CPNE6: variants seen among roughly 807,000 people sequenced by gnomAD.
CPNE6 encodes the protein copine-6.
Under a neutral mutation model 71.5 loss-of-function variants are expected in CPNE6, and 33 were observed. That is an observed-to-expected ratio of 0.46 (90% CI 0.35 to 0.62). CPNE6 has a LOEUF of 0.62. CPNE6 is among the 20% of genes least tolerant of loss of function. CPNE6 has a pLI of 0.00. For synonymous variants in CPNE6, 296 were observed against 293.0 expected (o/e 1.01, Z -0.10); for missense variants, 576 against 747.3 (o/e 0.77, Z 2.67).
intron 1 of CPNE6, 82 bp from the exon 1 acceptor site, chr14:24,071,480 C>T (rs773602046): frequency 1.2e-5 from 19 of 1,527,740 alleles, no homozygotes; most frequent in African/African-American, 5.5e-5. Context: ...AATCCATCCA[C>T]GCGGGGGGAG....
Position 24,074,211 on chromosome 14 carries a change from AC to A in CPNE6, c.424-75del. ...CTATGGTGACATCATGCCCAGGACC[AC>A]CCCCACCTAAGGGAAAGGGGATGGG... On this transcript the variant is annotated intron_variant, in intron 5 of 17. Coordinates refer to ENST00000397016, the Ensembl canonical transcript of CPNE6. This position sits in a 1 kb window ranked among gnomAD's most constrained non-coding sequence, Gnocchi z 4.5. 6.3e-7 allele frequency: 1 copy of A among 1,594,894 alleles called. No homozygotes were observed. Among genetic ancestry groups the A allele is most frequent in the Non-Finnish European group, 8.6e-7 (1 of 1,162,836 alleles).
chr14:24,074,193 G>A lies in CPNE6; in HGVS notation c.423+68G>A. The stretch of plus-strand genomic sequence containing the variant: ...ATGCCCCTGCATGGACACCTATGGT[G>A]ACATCATGCCCAGGACCACCCCCAC... On this transcript the variant is annotated intron_variant, in intron 5 of 17. Coordinates refer to ENST00000397016, the Ensembl canonical transcript of CPNE6. The surrounding 1 kb of genome is among the most constrained non-coding windows in gnomAD (Gnocchi z 4.5). 6.3e-7 allele frequency: 1 copy of A among 1,597,136 alleles called. No individual in the cohort carries two copies.
chr14:24,075,479 C>A lies in CPNE6; in HGVS notation c.778-26C>A, dbSNP rs1289698206. On this transcript the variant is annotated intron_variant, in intron 9 of 17. Coordinates refer to ENST00000397016, the Ensembl canonical transcript of CPNE6. The surrounding 1 kb of genome is among the most constrained non-coding windows in gnomAD (Gnocchi z 4.3). Reference sequence around the variant, plus strand: ...GAGGGGTCACCTGATGGACTTGTGACCCTGAGCTTGTGGGGTGGGGTCTAG... The same window carrying A: ...GAGGGGTCACCTGATGGACTTGTGAACCTGAGCTTGTGGGGTGGGGTCTAG... The A allele has an allele frequency of 1.9e-6, 3 of 1,598,804 alleles. No homozygotes were observed. In the Admixed American group the frequency reaches 5.2e-5, roughly 28 times the overall value.
chr14:24,072,740 G>C, intron 2 of CPNE6, 193 bp from the exon 2 acceptor site: 1 of 450,354 alleles, frequency 2.2e-6, no homozygotes, highest in Non-Finnish European at 3.8e-6. Context: ...CTTCTGAGCA[G>C]GAGTGGGAGG....
rs770189782 is a variant in CPNE6, at chr14:24,071,078, A to G, written c.-120+50A>G. 1.5e-5 allele frequency: 22 copies of G among 1,490,406 alleles called. 1 individual carries two copies. The highest frequency in any genetic ancestry group is 6.0e-5 in the South Asian group (5 of 82,992). The allele number at this position is 1,490,406 out of a possible 1,614,324, so 92.3% of individuals were successfully genotyped here. A position where few individuals can be genotyped will look rare whatever the true frequency, so the allele number is the denominator to read the frequency against. ...GACAAGGACAGCCCAGTGTTCCTGTATATGTGACTGCAGATATCCTTAGCT... is the reference window on the plus strand; with the variant it reads ...GACAAGGACAGCCCAGTGTTCCTGTGTATGTGACTGCAGATATCCTTAGCT... On this transcript the variant is annotated intron_variant, in intron 1 of 17. Transcript: ENST00000397016.
Position 24,074,920 on chromosome 14 carries a change from T to A in CPNE6, c.672+125T>A. 1.2e-6 allele frequency: 1 copy of A among 818,070 alleles called. No homozygotes were observed. Among genetic ancestry groups the A allele is most frequent in the Non-Finnish European group, 2.0e-6 (1 of 495,544 alleles). 50.7% of individuals were successfully genotyped at this position (818,070 alleles called of 1,614,324 possible). The stretch of plus-strand genomic sequence containing the variant: ...GTGATAATCACATCCCACTGTGGGA[T>A]AAATAATAGGTCACAGCTCAATGTT... On this transcript the variant is annotated intron_variant, in intron 8 of 17. Coordinates refer to ENST00000397016, the Ensembl canonical transcript of CPNE6. This position sits in a 1 kb window ranked among gnomAD's most constrained non-coding sequence, Gnocchi z 4.5.
Position 24,077,436 on chromosome 14 carries a change from C to CAAA in CPNE6, c.1536+47_1536+48insAAA. On this transcript the variant is annotated intron_variant, in intron 16 of 17. Transcript: ENST00000397016. The surrounding 1 kb of genome is among the most constrained non-coding windows in gnomAD (Gnocchi z 6.1). ...CCGGCTGAAGGACTCCTCAGCTTCT[C>CAAA]ATCCCCCCAAATCTGACCTTCGTCT... is the stretch of plus-strand genomic sequence containing the variant. The CAAA allele has an allele frequency of 6.3e-7, 1 of 1,587,218 alleles. No homozygotes were observed. The highest frequency in any genetic ancestry group is 1.1e-5 in the South Asian group (1 of 90,544).
Position 24,073,462 on chromosome 14 carries a change from C to A in CPNE6, c.169-37C>A. 1 of 1,598,484 alleles carries A rather than the reference C, an allele frequency of 6.3e-7. No individual in the cohort carries two copies. Among genetic ancestry groups the A allele is most frequent in the East Asian group, 2.2e-5 (1 of 44,724 alleles). On this transcript the variant is annotated intron_variant, in intron 3 of 17. Coordinates refer to ENST00000397016, the Ensembl canonical transcript of CPNE6. The surrounding 1 kb of genome is among the most constrained non-coding windows in gnomAD (Gnocchi z 5.5). ...GGACAGGGAAAAGTATCCTCGGTTC[C>A]CAGACAGCCCTCGCCTCCCTTCAAC...
In CPNE6 at chr14:24,073,801, G is replaced by A. The variant is rs922045963; in HGVS notation, c.348+123G>A. 5.7e-6 allele frequency: 6 copies of A among 1,049,340 alleles called. No individual in the cohort carries two copies. The Admixed American group carries it at 7.5e-5, about 13-fold the overall frequency. The allele number at this position is 1,049,340 out of a possible 1,614,324, so 65.0% of individuals were successfully genotyped here. On this transcript the variant is annotated intron_variant, in intron 4 of 17. Coordinates refer to ENST00000397016, the Ensembl canonical transcript of CPNE6. The surrounding 1 kb of genome is among the most constrained non-coding windows in gnomAD (Gnocchi z 5.5). ...CAACCCAGCCTTGGCTCCCATCTCT[G>A]CCATTCACTAGCTGTGCAGCCTCAG...
Position 24,073,771 on chromosome 14 carries a change from T to A in CPNE6, c.348+93T>A. 7.3e-7 allele frequency: 1 copy of A among 1,367,552 alleles called. No individual in the cohort carries two copies. 84.7% of individuals were successfully genotyped at this position (1,367,552 alleles called of 1,614,324 possible). A position where few individuals can be genotyped will look rare whatever the true frequency, so the allele number is the denominator to read the frequency against. ...AGAGAGAAAACATGAGCTCTAGAGC[T>A]AGTTCAACCCAGCCTTGGCTCCCAT... On this transcript the variant is annotated intron_variant, in intron 4 of 17. Transcript: ENST00000397016. The surrounding 1 kb of genome is among the most constrained non-coding windows in gnomAD (Gnocchi z 5.5).
rs748788986 is a variant in CPNE6, at chr14:24,074,181, G to T, written c.423+56G>T. ...TCCAGGTATTCAATGCCCCTGCATGGACACCTATGGTGACATCATGCCCAG... is the reference window on the plus strand; with the variant it reads ...TCCAGGTATTCAATGCCCCTGCATGTACACCTATGGTGACATCATGCCCAG... On this transcript the variant is annotated intron_variant, in intron 5 of 17. Coordinates refer to ENST00000397016, the Ensembl canonical transcript of CPNE6. This position sits in a 1 kb window ranked among gnomAD's most constrained non-coding sequence, Gnocchi z 4.5. 1.3e-6 allele frequency: 2 copies of T among 1,593,446 alleles called. No individual in the cohort carries two copies. The highest frequency in any genetic ancestry group is 2.2e-5 in the South Asian group (2 of 90,654).
At position 24,077,052 on chromosome 14, in the gene CPNE6, G is replaced by A; in HGVS notation, c.1299+40G>A. On this transcript the variant is annotated intron_variant, in intron 15 of 17. Coordinates refer to ENST00000397016, the Ensembl canonical transcript of CPNE6. The surrounding 1 kb of genome is among the most constrained non-coding windows in gnomAD (Gnocchi z 6.1). ...CGGGCAAACAGGAGCTGTCCCATGT[G>A]TCTTTAAGTGGTGCCAGGGCCAGGG... The A allele has an allele frequency of 3.1e-6, 5 of 1,603,698 alleles. No individual in the cohort carries two copies. The highest frequency in any genetic ancestry group is 4.2e-6 in the Non-Finnish European group (5 of 1,178,930).
chr14:24,071,523 C>T, intron 1 of CPNE6, 39 bp from the exon 1 acceptor site: 1 of 1,466,170 alleles, frequency 6.8e-7, no homozygotes, highest in Non-Finnish European at 9.1e-7. Flanking sequence ...CCCTCCCCAT[C>T]CAGGCCCCAT....
rs2036147170 is a variant in CPNE6, at chr14:24,077,799, CAG to C, written c.*37+33_*37+34del. 1 of 1,441,292 alleles carries C rather than the reference CAG, an allele frequency of 6.9e-7. No homozygotes were observed. Among genetic ancestry groups the C allele is most frequent in the Non-Finnish European group, 9.1e-7 (1 of 1,095,726 alleles). The allele number at this position is 1,441,292 out of a possible 1,614,324, so 89.3% of individuals were successfully genotyped here. ...CCTGGGGCTTCCAAAGGAGTGGACA[CAG>C]GGGGTGCAAAGTGGGGCTTGGTAGA... On this transcript the variant is annotated intron_variant, in intron 17 of 17. Transcript: ENST00000397016. This position sits in a 1 kb window ranked among gnomAD's most constrained non-coding sequence, Gnocchi z 6.1.
rs2036119609 is a variant in CPNE6, at chr14:24,077,344, C to T, written c.1490C>T (p.Ala497Val). ...TTGCGCTGCCCCCGAGGGGTGCCTG[C>T]AGCCCGAGACATTGTCCAGTTCGTG... is the stretch of plus-strand genomic sequence containing the variant. The change falls in exon 16 of 18, where the codon GCA (alanine) becomes GTA (valine). Residue 497 changes from alanine (A) to valine (V), a missense_variant. Coordinates refer to ENST00000397016, the Ensembl canonical transcript of CPNE6. This position sits in a 1 kb window ranked among gnomAD's most constrained non-coding sequence, Gnocchi z 6.1. 1.2e-5 allele frequency: 19 copies of T among 1,613,954 alleles called. No homozygotes were observed. Among genetic ancestry groups the T allele is most frequent in the Non-Finnish European group, 1.6e-5 (19 of 1,180,008 alleles).
chr14:24,076,147 A>C lies in CPNE6; in HGVS notation c.925-2A>C. The C allele has an allele frequency of 6.2e-7, 1 of 1,612,728 alleles. No individual in the cohort carries two copies. ...CATGACCTTCTTCCCACCCCCACCC[A>C]GGTGGCCATTGACTTCACCGCCTCC... is the stretch of plus-strand genomic sequence containing the variant. On this transcript the variant is annotated splice_acceptor_variant, in intron 11 of 17. Transcript: ENST00000397016. LOFTEE classifies it high-confidence loss of function.
intron 14 of CPNE6, 118 bp from the exon 14 acceptor site, chr14:24,076,761 A>T: frequency 1.3e-6 from 2 of 1,538,710 alleles, no homozygotes; most frequent in Non-Finnish European, 1.8e-6. Context: ...CCACTGCTTA[A>T]TGAAGGAACT....
chr14:24,077,432 T>C lies in CPNE6; in HGVS notation c.1536+42T>C. ...CCTTCCGGCTGAAGGACTCCTCAGC[T>C]TCTCATCCCCCCAAATCTGACCTTC... On this transcript the variant is annotated intron_variant, in intron 16 of 17. Coordinates refer to ENST00000397016, the Ensembl canonical transcript of CPNE6. The surrounding 1 kb of genome is among the most constrained non-coding windows in gnomAD (Gnocchi z 6.1). 1 of 1,586,466 alleles carries C rather than the reference T, an allele frequency of 6.3e-7. No individual in the cohort carries two copies. The highest frequency in any genetic ancestry group is 8.7e-7 in the Non-Finnish European group (1 of 1,155,096).
chr14:24,071,501 G>A (rs1475972872), intron 1 of CPNE6, 61 bp from the exon 1 acceptor site: 12 of 1,417,516 alleles, frequency 8.5e-6, no homozygotes, highest in Middle Eastern at 2.5e-4. Context: ...CTGGTGCTGC[G>A]CCCCCCCCCA....
Sources: allele counts gnomAD v4.1 joint callset, GRCh38; gene constraint gnomAD v4.1.1; non-coding constraint Gnocchi (gnomAD v3.1); transcripts MANE v1.5; gene names NCBI Gene and HGNC (gene_info 2026-07-23, HGNC 2026-07-21).